Variants in USH1C observed in about 807,000 individuals in gnomAD.
The protein encoded by USH1C is USH1 protein network component harmonin.
A neutral mutation model predicts 119.3 loss-of-function variants in USH1C; 90 were observed. That is an observed-to-expected ratio of 0.75 (90% confidence interval 0.64 to 0.90). USH1C has a LOEUF of 0.90. USH1C is among the 40% of genes least tolerant of loss of function. The probability of loss-of-function intolerance (pLI) is 0.00; values close to 1 mark genes in which losing one functional copy is unlikely to be tolerated. For missense variants in USH1C, 1,165 were observed against 1,167.7 expected, an observed-to-expected ratio of 1.00 and a Z score of 0.03; for synonymous variants, 465 against 443.3, an observed-to-expected ratio of 1.05 and a Z score of -0.62.
At chr11:17,514,027 G>A (rs1188679953) in intron 15 of USH1C, among the ~76,000 whole-genome samples, 1 of 152,180 alleles carries the variant, frequency 6.6e-6, no homozygotes, top group Non-Finnish European at 1.5e-5. Context: ...TGCCTTCCCT[G>A]CCAGACGGTG....
rs190764916 is a variant in USH1C, at chr11:17,524,372, C to A, written c.759+79G>T. ...TGAAAGAGGGCCATGTGGAAAGGCA[C>A]CTGCCCCTGTCACCGCGGGATCACA... On this transcript the variant is annotated intron_variant, in intron 9 of 26. Coordinates refer to ENST00000005226, the MANE Select transcript of USH1C (RefSeq NM_153676.4). 5.4e-6 allele frequency: 8 copies of A among 1,475,386 alleles called. No homozygotes were observed. The Admixed American group carries it at 5.9e-5, about 11-fold the overall frequency. The allele number at this position is 1,475,386 out of a possible 1,614,324, so 91.4% of individuals were successfully genotyped here.
chr11:17,505,997 G>A (rs765925162), intron 18 of USH1C, 48 bp from the exon 19 acceptor site: 5 of 1,613,300 alleles, frequency 3.1e-6, no homozygotes, highest in Non-Finnish European at 8.5e-7. Flanking sequence ...TGGTGGGGTG[G>A]CCAAGGCCAG....
chr11:17,521,239 G>C, intron 13 of USH1C, 107 bp downstream of exon 13: 1 of 1,237,738 alleles, frequency 8.1e-7, no homozygotes, highest in African/African-American at 1.5e-5. Context: ...CCCACCAGGG[G>C]ATGAGAGAAC....
At position 17,531,244 on chromosome 11, in the gene USH1C, G is replaced by A. The variant is rs751057721; in HGVS notation, c.297C>T (p.Gly99=). The A allele has an allele frequency of 6.2e-7, 1 of 1,614,168 alleles. No homozygotes were observed. The highest frequency in any genetic ancestry group is 1.1e-5 in the South Asian group (1 of 91,084). ...ACTCCAGGCCACCACGCACACTCAG[G>A]CCGAGGCCTTCGGGGTGCAGACGGT... ...RLDRLHPEGL[G]LSVRGGLEFG... is the part of the protein sequence containing the mutation. Residue 99 remains glycine (G), a synonymous_variant, in exon 4 of 27, where the codon GGC becomes GGT. Transcript: ENST00000005226. The surrounding 1 kb of genome is among the most constrained non-coding windows in gnomAD (Gnocchi z 4.2).
chr11:17,520,899 A>C lies in USH1C; in HGVS notation c.1181T>G (p.Val394Gly). The C allele has an allele frequency of 1.2e-6, 2 of 1,614,032 alleles. No individual in the cohort carries two copies. The highest frequency in any genetic ancestry group is 1.7e-6 in the Non-Finnish European group (2 of 1,179,984). Residue 394 changes from valine (V) to glycine (G), a missense_variant, in exon 14 of 27, where the codon GTA (valine) becomes GGA (glycine). Coordinates refer to ENST00000005226, the MANE Select transcript of USH1C (RefSeq NM_153676.4). ...LLLPKTITAE[V>G]HPVPLRKPKS... The stretch of plus-strand genomic sequence containing the variant: ...TGGCTTGCGAAGGGGTACTGGGTGT[A>C]CCTCAGCAGTGATGGTTTTAGGCAA...
intron 1 of USH1C, among the ~76,000 whole-genome samples, chr11:17,535,047 C>T (rs1422716828): frequency 6.6e-6 from 1 of 152,148 alleles, no homozygotes; most frequent in Non-Finnish European, 1.5e-5. Context: ...GCCTGTGGGG[C>T]AGGGGTGCCT....
intron 1 of USH1C, among the ~76,000 whole-genome samples, chr11:17,543,165 AGCCCCTGTG>A (rs1851543031): frequency 6.6e-6 from 1 of 152,208 alleles, no homozygotes; most frequent in Non-Finnish European, 1.5e-5. Context: ...CTTGGCCCCA[AGCCCCTGTG>A]GCCCCTACAC....
At position 17,526,764 on chromosome 11, in the gene USH1C, A is replaced by G; in HGVS notation, c.568T>C (p.Ser190Pro). The change falls in exon 7 of 27, where the codon TCG becomes CCG. Residue 190 changes from serine (S) to proline (P), a missense_variant. Ser to Pro is a moderately conservative substitution (Grantham distance 74). Transcript: ENST00000005226. ...LTWQYVDQFV[S>P]ESGGVRGSLG... is the part of the protein sequence containing the mutation. ...GGTCTGGCCCTTACCCCAGATTCCG[A>G]CACAAACTGATCCACATACTGCCAA... The G allele has an allele frequency of 6.2e-7, 1 of 1,614,122 alleles. No homozygotes were observed. The highest frequency in any genetic ancestry group is 8.5e-7 in the Non-Finnish European group (1 of 1,180,004).
chr11:17,533,375 A>C, intron 1 of USH1C, 53 bp from the exon 2 acceptor site: 3 of 1,310,410 alleles, frequency 2.3e-6, no homozygotes, highest in African/African-American at 1.5e-5. Context: ...CCGCCCCCAT[A>C]GCAGACCTCA....
chr11:17,496,473 G>C (rs1183152319), intron 25 of USH1C, among the ~76,000 whole-genome samples: 1 of 152,192 alleles, frequency 6.6e-6, no homozygotes, highest in African/African-American at 2.4e-5. Flanking sequence ...ACAATCCTGA[G>C]TCTTTTTCCC....
At chr11:17,498,309 ATG>A in intron 23 of USH1C, 38 bp from the exon 24 acceptor site, 2 of 1,590,862 alleles carry the variant, frequency 1.3e-6, no homozygotes, top group South Asian at 2.2e-5. Flanking sequence ...ACTGGGCTGT[ATG>A]TGACACGTGC....
chr11:17,537,589 C>T (rs1478751677), intron 1 of USH1C, among the ~76,000 whole-genome samples: 2 of 152,228 alleles, frequency 1.3e-5, no homozygotes, highest in Non-Finnish European at 1.5e-5. Flanking sequence ...CCTTAGTTCA[C>T]TTCCAATTCA....
chr11:17,522,992 T>TG (rs1850487673), intron 11 of USH1C, 66 bp from the exon 12 acceptor site: 3 of 1,596,492 alleles, frequency 1.9e-6, no homozygotes, highest in Admixed American at 1.7e-5. Context: ...GACACACCCC[T>TG]GGGGGCCGAG....
At chr11:17,496,928 C>G in intron 24 of USH1C, 115 bp from the exon 25 acceptor site, 1 of 1,258,244 alleles carries the variant, frequency 7.9e-7, no homozygotes, top group Non-Finnish European at 1.1e-6. Flanking sequence ...GCTGCACCTT[C>G]TTCCCACGGG....
At chr11:17,502,645 C>T (rs1057061856) in intron 20 of USH1C, among the ~76,000 whole-genome samples, 1 of 152,244 alleles carries the variant, frequency 6.6e-6, no homozygotes, top group African/African-American at 2.4e-5. Context: ...AGGGAGGACA[C>T]ACAGCTCAGG....
In USH1C at chr11:17,521,488, T is replaced by C. The variant is rs965183998; in HGVS notation, c.1020-77A>G. 38 of 1,529,922 alleles carry C rather than the reference T, an allele frequency of 2.5e-5. No individual in the cohort carries two copies. In the African/African-American group the frequency reaches 4.4e-4, roughly 18 times the overall value. The allele number at this position is 1,529,922 out of a possible 1,614,324, so 94.8% of individuals were successfully genotyped here. A position where few individuals can be genotyped will look rare whatever the true frequency, so the allele number is the denominator to read the frequency against. On this transcript the variant is annotated intron_variant, in intron 12 of 26. Coordinates refer to ENST00000005226, the MANE Select transcript of USH1C (RefSeq NM_153676.4). ...CTCTTCCTTACTGTGAATTCTTGAT[T>C]TGGAGAAAAGTTGGATTTTTCTCCA...
At chr11:17,534,036 A>G (rs1031496565) in intron 1 of USH1C, among the ~76,000 whole-genome samples, 7 of 152,224 alleles carry the variant, frequency 4.6e-5, no homozygotes, top group Non-Finnish European at 1.0e-4. Flanking sequence ...TAGCACCTCA[A>G]TCCCAGCGGG....
At chr11:17,527,522 T>C (rs1850760273) in intron 4 of USH1C, among the ~76,000 whole-genome samples, 191 bp from the exon 5 acceptor site, 1 of 151,984 alleles carries the variant, frequency 6.6e-6, no homozygotes, top group African/African-American at 2.4e-5. Flanking sequence ...AGGTGGCATG[T>C]CCAAGCAGTC....
intron 14 of USH1C, chr11:17,516,506 G>C: frequency 1.7e-6 from 1 of 594,300 alleles, no homozygotes; most frequent in South Asian, 1.8e-5. Flanking sequence ...GAAAAGCCCC[G>C]GTTCCCAGGC....
Sources: gnomAD v4.1 joint callset for allele counts (sites outside exome capture counted in the v4.1 genomes callset) on GRCh38, gnomAD v4.1.1 for gene constraint, Gnocchi (gnomAD v3.1) non-coding constraint, MANE v1.5 for transcripts, NCBI Gene and HGNC (gene_info 2026-07-23, HGNC 2026-07-21) for gene names.